Variants in PIK3CA observed in about 807,000 individuals in gnomAD.
PIK3CA encodes phosphatidylinositol-4,5-bisphosphate 3-kinase catalytic subunit alpha.
In PIK3CA, 27 loss-of-function variants were observed where a neutral mutation model predicts 138.2. The observed-to-expected ratio is 0.20, with a 90% CI of 0.14 to 0.27. PIK3CA has a LOEUF of 0.27. Ranked by LOEUF, PIK3CA falls within the 10% of genes least tolerant of loss-of-function variation. PIK3CA has a pLI of 1.00. For synonymous variants in PIK3CA, 358 were observed against 413.2 expected, an observed-to-expected ratio of 0.87 and a Z score of 1.62; for missense variants, 544 against 1,277.4, an observed-to-expected ratio of 0.43 and a Z score of 8.75.
At chr3:179,232,689 C>T (rs1286099732) in intron 20 of PIK3CA, among the ~76,000 whole-genome samples, 1 of 151,904 alleles carries the variant, frequency 6.6e-6, no homozygotes, top group East Asian at 1.9e-4. Context: ...AGATCTTTCA[C>T]CCCCTTGGTT....
chr3:179,190,231 A>G (rs1262218159), intron 1 of PIK3CA, among the ~76,000 whole-genome samples: 1 of 151,990 alleles, frequency 6.6e-6, no homozygotes, highest in Non-Finnish European at 1.5e-5. Flanking sequence ...TAATTTCAAC[A>G]ATTTAGTTTT....
At chr3:179,159,688 A>C (rs1349787517) in intron 1 of PIK3CA, among the ~76,000 whole-genome samples, 1 of 152,182 alleles carries the variant, frequency 6.6e-6, no homozygotes, top group African/African-American at 2.4e-5. Context: ...TAATACAGTC[A>C]TGTGTAGCTT....
At chr3:179,165,015 C>T (rs1723382407) in intron 1 of PIK3CA, among the ~76,000 whole-genome samples, 1 of 152,150 alleles carries the variant, frequency 6.6e-6, no homozygotes, top group African/African-American at 2.4e-5. Flanking sequence ...CTCATAATCA[C>T]TGCCTTAGTT....
At chr3:179,158,979 G>C (rs940128427) in intron 1 of PIK3CA, among the ~76,000 whole-genome samples, 1 of 152,050 alleles carries the variant, frequency 6.6e-6, no homozygotes, top group South Asian at 2.1e-4. Context: ...GTCATGCAGG[G>C]TAACTTACTT....
In PIK3CA at chr3:179,210,485, CCAGATATGT is replaced by C; in HGVS notation, c.1463_1471del (p.Asp488_Ser490del). On this transcript the variant is annotated inframe_deletion, in exon 9 of 21. Coordinates refer to ENST00000263967, the MANE Select transcript of PIK3CA (RefSeq NM_006218.4). ...CTGGTTCAGCAGTGTGGTAAAGTTCCCAGATATGTCAGTGATTGAAGAGCATGCCAATTG... is the reference window on the plus strand; with the variant it reads ...CTGGTTCAGCAGTGTGGTAAAGTTCCCAGTGATTGAAGAGCATGCCAATTG... 1 of 1,613,836 alleles carries C rather than the reference CCAGATATGT, an allele frequency of 6.2e-7. No homozygotes were observed. The highest frequency in any genetic ancestry group is 8.5e-7 in the Non-Finnish European group (1 of 1,179,872).
rs992871528 is a variant in PIK3CA, at chr3:179,234,507, T to C, written c.*143T>C. The C allele has an allele frequency of 3.6e-6, 2 of 552,986 alleles. No homozygotes were observed. The highest frequency in any genetic ancestry group is 1.9e-5 in the African/African-American group (1 of 52,618). The allele number at this position is 552,986 out of a possible 1,614,324, so 34.3% of individuals were successfully genotyped here. ...TACAGCAAGAACAGAAATAAAATAC[T>C]ATATAATTTAAATAATGTAAACGCA... On this transcript the variant is annotated 3_prime_UTR_variant, in exon 21 of 21. Transcript: ENST00000263967. This position sits in a 1 kb window ranked among gnomAD's most constrained non-coding sequence, Gnocchi z 5.1.
In PIK3CA at chr3:179,206,634, G is replaced by C. The variant is rs867843655; in HGVS notation, c.1145+2046G>C. Among the ~76,000 whole-genome samples the C allele has an allele frequency of 9.9e-5, 15 of 152,274 alleles. 1 individual carries two copies. The South Asian group carries it at 2.5e-3, about 25-fold the overall frequency. On this transcript the variant is annotated intron_variant, in intron 6 of 20. Coordinates refer to ENST00000263967, the MANE Select transcript of PIK3CA (RefSeq NM_006218.4). Reference sequence around the variant, plus strand: ...TAAACTAGCTTTATAAAAGTAAAAGGCTGGGCGTGGTGGCTCACGCCTATA... The same window carrying C: ...TAAACTAGCTTTATAAAAGTAAAAGCCTGGGCGTGGTGGCTCACGCCTATA...
At chr3:179,189,414 T>C (rs1383462282) in intron 1 of PIK3CA, among the ~76,000 whole-genome samples, 1 of 152,184 alleles carries the variant, frequency 6.6e-6, no homozygotes, top group Non-Finnish European at 1.5e-5. Flanking sequence ...GTTCATGCTT[T>C]ATCTAATAAT....
chr3:179,220,136 A>G lies in PIK3CA; in HGVS notation c.2015+84A>G. The G allele has an allele frequency of 9.6e-7, 1 of 1,041,618 alleles. No individual in the cohort carries two copies. The highest frequency in any genetic ancestry group is 1.3e-6 in the Non-Finnish European group (1 of 750,878). The allele number at this position is 1,041,618 out of a possible 1,614,324, so 64.5% of individuals were successfully genotyped here. A position where few individuals can be genotyped will look rare whatever the true frequency, so the allele number is the denominator to read the frequency against. On this transcript the variant is annotated intron_variant, in intron 13 of 20. Transcript: ENST00000263967. The surrounding 1 kb of genome is among the most constrained non-coding windows in gnomAD (Gnocchi z 4.1). ...AGATTTATAAATATGTATTACTTATATACTTTTGTTTATGTTTGGCTGGAA... is the reference window on the plus strand; with the variant it reads ...AGATTTATAAATATGTATTACTTATGTACTTTTGTTTATGTTTGGCTGGAA...
intron 1 of PIK3CA, among the ~76,000 whole-genome samples, chr3:179,148,903 A>C (rs923514290): frequency 6.6e-6 from 1 of 151,860 alleles, no homozygotes; most frequent in African/African-American, 2.4e-5. Context: ...AGGTTGAGGA[A>C]GTGCGCCCAG....
At chr3:179,223,719 G>A (rs957794977) in intron 14 of PIK3CA, among the ~76,000 whole-genome samples, 2 of 152,072 alleles carry the variant, frequency 1.3e-5, no homozygotes, top group Admixed American at 6.6e-5. Context: ...TGCTATTCTC[G>A]TAAAAGCAGC....
intron 9 of PIK3CA, among the ~76,000 whole-genome samples, chr3:179,213,801 A>G (rs561603928): frequency 2.6e-5 from 4 of 152,358 alleles, no homozygotes; most frequent in African/African-American, 7.2e-5. Context: ...ATCTTCTTCC[A>G]TTATAAGACT....
intron 6 of PIK3CA, among the ~76,000 whole-genome samples, chr3:179,208,674 G>T (rs1481857332): frequency 6.6e-6 from 1 of 152,054 alleles, no homozygotes; most frequent in African/African-American, 2.4e-5. Flanking sequence ...AATTTCACAT[G>T]TAGCACCCAG....
Position 179,229,450 on chromosome 3 carries a change from G to C in PIK3CA, c.2666+8G>C, listed in dbSNP as rs2108423247. 1 of 1,600,772 alleles carries C rather than the reference G, an allele frequency of 6.2e-7. No homozygotes were observed. The highest frequency in any genetic ancestry group is 8.5e-7 in the Non-Finnish European group (1 of 1,173,328). ...CAAGAACAAAGGAGAAATGTGAGTT[G>C]TATTATTCTTTCTTCCTATGTTAAT... On this transcript the variant is annotated splice_region_variant and intron_variant, in intron 18 of 20. Transcript: ENST00000263967.
intron 1 of PIK3CA, among the ~76,000 whole-genome samples, chr3:179,165,486 G>A (rs1486617240): frequency 6.6e-6 from 1 of 152,006 alleles, no homozygotes. Context: ...TGAACTCCTG[G>A]GCTTAAGTAG....
chr3:179,197,780 C>T (rs564514318), intron 1 of PIK3CA, among the ~76,000 whole-genome samples: 6 of 152,136 alleles, frequency 3.9e-5, no homozygotes, highest in East Asian at 1.9e-4. Context: ...CTTACAGTTT[C>T]GCTCACTGAG....
chr3:179,172,486 A>G (rs1487627889), intron 1 of PIK3CA, among the ~76,000 whole-genome samples: 1 of 138,722 alleles, frequency 7.2e-6, no homozygotes, highest in Non-Finnish European at 1.5e-5. Flanking sequence ...AGAATCTACC[A>G]AAAAGAAAAA....
At chr3:179,160,721 T>C (rs1397807602) in intron 1 of PIK3CA, among the ~76,000 whole-genome samples, 1 of 152,244 alleles carries the variant, frequency 6.6e-6, no homozygotes, top group East Asian at 1.9e-4. Context: ...GCATTATATC[T>C]TTGTACAACA....
At chr3:179,156,860 A>G (rs1173995537) in intron 1 of PIK3CA, among the ~76,000 whole-genome samples, 1 of 152,160 alleles carries the variant, frequency 6.6e-6, no homozygotes, top group Non-Finnish European at 1.5e-5. Flanking sequence ...TCTAGACCTG[A>G]AAGTACTATT....
Sources: gnomAD v4.1 joint callset for allele counts (sites outside exome capture counted in the v4.1 genomes callset) on GRCh38, gnomAD v4.1.1 for gene constraint, Gnocchi (gnomAD v3.1) non-coding constraint, MANE v1.5 for transcripts, NCBI Gene and HGNC (gene_info 2026-07-23, HGNC 2026-07-21) for gene names.